Variants in FES observed in about 807,000 individuals in gnomAD.
The protein encoded by FES is FES proto-oncogene, tyrosine kinase.
FES carries 83 observed loss-of-function variants against 109.6 expected under a neutral mutation model. That is an observed-to-expected ratio of 0.76 (90% CI 0.63 to 0.91). The LOEUF is 0.91. Among genes scored for constraint, FES ranks in the 40% least tolerant of loss-of-function variants. The probability of loss-of-function intolerance (pLI) is 0.00; values close to 1 mark genes in which losing one functional copy is unlikely to be tolerated. For synonymous variants in FES, 458 were observed against 442.1 expected, an observed-to-expected ratio of 1.04 and a Z score of -0.45; for missense variants, 943 against 1,070.9, an observed-to-expected ratio of 0.88 and a Z score of 1.67.
chr15:90,886,574 A>G (rs746883147), intron 3 of FES, among the ~76,000 whole-genome samples: 1 of 152,184 alleles, frequency 6.6e-6, no homozygotes, highest in South Asian at 2.1e-4. Context: ...GCAAAGTGAA[A>G]TTGTGGGGGT....
Position 90,895,351 on chromosome 15 carries a change from CCA to C in FES, c.2327-64_2327-63del, listed in dbSNP as rs1179567793. 9.3e-6 allele frequency: 13 copies of C among 1,391,470 alleles called. No homozygotes were observed. The East Asian group carries it at 3.1e-4, about 34-fold the overall frequency. 86.2% of individuals were successfully genotyped at this position (1,391,470 alleles called of 1,614,324 possible). A position where few individuals can be genotyped will look rare whatever the true frequency, so the allele number is the denominator to read the frequency against. ...CAGCTCCTATGGCTCATGGTATCCC[CCA>C]GAGTCTGCCGAGGACCCTCAAACTC... On this transcript the variant is annotated intron_variant, in intron 18 of 18. Coordinates refer to ENST00000328850, the MANE Select transcript of FES (RefSeq NM_002005.4).
chr15:90,885,214 G>T lies in FES; in HGVS notation c.169G>T (p.Gly57Trp). ...LLHHMSLQDS[G>W]GQSRAISPDS... Reference sequence around the variant, plus strand: ...TCACCACATGTCCCTGCAGGACAGTGGGGGCCAGAGCCGGGCCATCAGCCC... The same window carrying T: ...TCACCACATGTCCCTGCAGGACAGTTGGGGCCAGAGCCGGGCCATCAGCCC... Residue 57 changes from glycine to tryptophan, a missense_variant, in exon 2 of 19, where the codon GGG (glycine) becomes TGG (tryptophan). Transcript: ENST00000328850. The T allele has an allele frequency of 6.2e-7, 1 of 1,613,518 alleles. No homozygotes were observed. Among genetic ancestry groups the T allele is most frequent in the Non-Finnish European group, 8.5e-7 (1 of 1,180,006 alleles).
chr15:90,889,276 C>T lies in FES; in HGVS notation c.669-30C>T. On this transcript the variant is annotated intron_variant, in intron 5 of 18. Transcript: ENST00000328850. This position sits in a 1 kb window ranked among gnomAD's most constrained non-coding sequence, Gnocchi z 6.1. ...CCCAGCCTTGCCCAGCCTGAGGCTC[C>T]CCTGACTGGGGATCCCGTCTCGGGG... 3.7e-6 allele frequency: 6 copies of T among 1,610,826 alleles called. No homozygotes were observed. Among genetic ancestry groups the T allele is most frequent in the Non-Finnish European group, 5.1e-6 (6 of 1,178,872 alleles).
At chr15:90,892,372 G>T (rs926760412) in intron 13 of FES, 48 of 590,836 alleles carry the variant, frequency 8.1e-5, no homozygotes, top group Non-Finnish European at 7.3e-5. Flanking sequence ...TTGTGTGCAC[G>T]CAGGGAGACA....
chr15:90,891,794 T>C (rs1486686013), intron 12 of FES, 118 bp downstream of exon 12: 1 of 1,445,046 alleles, frequency 6.9e-7, no homozygotes, highest in African/African-American at 1.4e-5. Context: ...ACATACAAGA[T>C]GCAGAGTGAG....
At chr15:90,892,998 G>C in intron 14 of FES, 102 bp from the exon 15 acceptor site, 2 of 1,413,596 alleles carry the variant, frequency 1.4e-6, no homozygotes, top group Non-Finnish European at 1.9e-6. Context: ...TCACACGTCC[G>C]GGTCTGCTGG....
Position 90,885,138 on chromosome 15 carries a change from A to T in FES, c.93A>T (p.Arg31Ser). The T allele has an allele frequency of 6.2e-7, 1 of 1,613,998 alleles. No homozygotes were observed. Residue 31 changes from arginine (R) to serine (S), a missense_variant, in exon 2 of 19, where the codon AGA becomes AGT. Transcript: ENST00000328850. ...EAELRLLEGM[R>S]KWMAQRVKSD... ...AGCTTCGTCTACTGGAGGGCATGAG[A>T]AAGTGGATGGCCCAGCGGGTCAAGA... is the stretch of plus-strand genomic sequence containing the variant.
intron 2 of FES, 31 bp downstream of exon 2, chr15:90,885,289 G>T (rs764499226): frequency 1.3e-6 from 2 of 1,590,938 alleles, no homozygotes; most frequent in African/African-American, 2.9e-5. Context: ...GGTGGGTGCT[G>T]GCTGTATCTG....
In FES at chr15:90,891,597, T is replaced by A; in HGVS notation, c.1574T>A (p.Leu525Ter). Residue 525 changes from leucine to a stop codon, truncating the protein, a stop_gained, in exon 12 of 19, where the codon TTG (leucine) becomes TAG (stop). Coordinates refer to ENST00000328850, the MANE Select transcript of FES (RefSeq NM_002005.4). LOFTEE classifies it high-confidence loss of function. ...LEGEGFPSIPLLIDHLLSTQQ... is the reference protein window; with the variant it reads ...LEGEGFPSIP ...GGGGAAGGCTTTCCTAGCATTCCTT[T>A]GCTCATCGACCACCTACTGAGCACC... is the stretch of plus-strand genomic sequence containing the variant. The A allele has an allele frequency of 6.2e-7, 1 of 1,614,042 alleles. No individual in the cohort carries two copies. The highest frequency in any genetic ancestry group is 8.5e-7 in the Non-Finnish European group (1 of 1,179,988).
In FES at chr15:90,890,983, T is replaced by C. The variant is rs1006979502; in HGVS notation, c.1322T>C (p.Leu441Pro). Reference sequence around the variant, plus strand: ...CCTCCTCGATCCTCCCTTGCCCAGCTCCCTCCACCGCTGCAGCTCATTCCG... The same window carrying C: ...CCTCCTCGATCCTCCCTTGCCCAGCCCCCTCCACCGCTGCAGCTCATTCCG... ...ISGIFRPKFS[L>P]PPPLQLIPEV... The change falls in exon 11 of 19, where the codon CTC becomes CCC. Residue 441 changes from leucine to proline, a missense_variant and splice_region_variant. Physicochemically the swap from Leu to Pro is moderately conservative, Grantham distance 98. Coordinates refer to ENST00000328850, the MANE Select transcript of FES (RefSeq NM_002005.4). The C allele has an allele frequency of 3.2e-6, 5 of 1,580,868 alleles. No homozygotes were observed. Among genetic ancestry groups the C allele is most frequent in the Non-Finnish European group, 4.3e-6 (5 of 1,163,644 alleles).
chr15:90,889,588 C>G lies in FES; in HGVS notation c.878C>G (p.Pro293Arg). Residue 293 changes from proline to arginine, a missense_variant, in exon 7 of 19, where the codon CCT becomes CGT. Pro to Arg is a moderately radical substitution (Grantham distance 103). Transcript: ENST00000328850. The surrounding 1 kb of genome is among the most constrained non-coding windows in gnomAD (Gnocchi z 6.1). ...CTTGAGGAGGGTGAACCGCTGGAGC[C>G]TGGGGAGCTCCAGCTGAACGAGCTG... ...SLLEEGEPLE[P>R]GELQLNELTV... 6.2e-7 allele frequency: 1 copy of G among 1,613,668 alleles called. No homozygotes were observed. Among genetic ancestry groups the G allele is most frequent in the East Asian group, 2.2e-5 (1 of 44,862 alleles).
At chr15:90,894,335 A>G (rs2033514978) in intron 18 of FES, among the ~76,000 whole-genome samples, 1 of 152,244 alleles carries the variant, frequency 6.6e-6, no homozygotes, top group Admixed American at 6.5e-5. Flanking sequence ...CTGTAATCCC[A>G]GCACTTTGGG....
chr15:90,888,713 G>A (rs1261008628), intron 5 of FES, among the ~76,000 whole-genome samples: 1 of 152,016 alleles, frequency 6.6e-6, no homozygotes, highest in Non-Finnish European at 1.5e-5. Flanking sequence ...GAAGGCTGTG[G>A]GAAGAAGAGG....
chr15:90,893,024 T>G (rs575615772), intron 14 of FES, 76 bp from the exon 15 acceptor site: 1 of 1,522,900 alleles, frequency 6.6e-7, no homozygotes, highest in African/African-American at 1.4e-5. Context: ...GAGGCCAAGC[T>G]CTTCTCCCAT....
chr15:90,885,658 G>C (rs1250137825), intron 3 of FES, 73 bp downstream of exon 3: 3 of 1,536,802 alleles, frequency 2.0e-6, no homozygotes, highest in Non-Finnish European at 2.6e-6. Context: ...TTTTGCACAA[G>C]AGGCCCTGGA....
chr15:90,894,268 A>G (rs538957891), intron 18 of FES, among the ~76,000 whole-genome samples: 1 of 152,054 alleles, frequency 6.6e-6, no homozygotes, highest in Middle Eastern at 3.4e-3. Flanking sequence ...TGGACAACAC[A>G]GTGAAACTCC....
chr15:90,888,839 G>A (rs537926757), intron 5 of FES, among the ~76,000 whole-genome samples: 5 of 151,492 alleles, frequency 3.3e-5, no homozygotes, highest in African/African-American at 9.7e-5. Context: ...GTGCAGTGGC[G>A]CGATCTTGGC....
chr15:90,893,416 T>G lies in FES; in HGVS notation c.2045+2T>G. ...GGAGAGCAAGTGCTGCATCCACCGG[T>G]GAGTGGGCGGTGGCCACGGGCCCTG... On this transcript the variant is annotated splice_donor_variant, in intron 16 of 18. Transcript: ENST00000328850. LOFTEE classifies it high-confidence loss of function. The G allele has an allele frequency of 6.5e-7, 1 of 1,537,314 alleles. No homozygotes were observed. Among genetic ancestry groups the G allele is most frequent in the Non-Finnish European group, 8.7e-7 (1 of 1,145,464 alleles).
In FES at chr15:90,893,108, A is replaced by T; in HGVS notation, c.1835A>T (p.Lys612Met). The change falls in exon 15 of 19, where the codon AAG (lysine) becomes ATG (methionine). Residue 612 changes from lysine (K) to methionine (M), a missense_variant. Lys to Met is a moderately conservative substitution (Grantham distance 95). Coordinates refer to ENST00000328850, the MANE Select transcript of FES (RefSeq NM_002005.4). ...GCAGCAGTGCCCTCCAGGATCCTGA[A>T]GCAGTACAGCCACCCCAACATCGTG... is the stretch of plus-strand genomic sequence containing the variant. ...AKFLQEARIL[K>M]QYSHPNIVRL... 2 of 1,613,588 alleles carry T rather than the reference A, an allele frequency of 1.2e-6. No homozygotes were observed.
Sources: gnomAD v4.1 joint callset for allele counts (sites outside exome capture counted in the v4.1 genomes callset) on GRCh38, gnomAD v4.1.1 for gene constraint, Gnocchi (gnomAD v3.1) non-coding constraint, MANE v1.5 for transcripts, NCBI Gene and HGNC (gene_info 2026-07-23, HGNC 2026-07-21) for gene names.